ATXN8OS: variants seen among roughly 807,000 people sequenced by gnomAD.
ATXN8OS encodes the protein ATXN8 opposite strand lncRNA, also known as ATXN8 opposite strand (non-protein coding).
intron 3 of ATXN8OS, among the ~76,000 whole-genome samples, chr13:70,141,953 G>A (rs972910266): frequency 5.3e-5 from 8 of 151,854 alleles, no homozygotes; most frequent in African/African-American, 1.7e-4. Context: ...GCAGGGTCTC[G>A]GCTCACTGCA....
At chr13:70,112,919 A>ATATATATATATAT (rs3072593) in intron 1 of ATXN8OS, among the ~76,000 whole-genome samples, 15 of 123,032 alleles carry the variant, frequency 1.2e-4, no homozygotes, top group African/African-American at 2.9e-4. Context: ...TTATATATAT[A>ATATATATATATAT]ATTTTTTTTT....
chr13:70,130,562 G>C (rs1888517535), intron 3 of ATXN8OS: 2 of 396,596 alleles, frequency 5.0e-6, no homozygotes, highest in Admixed American at 4.4e-5. Flanking sequence ...AAAACAAAAA[G>C]AAACAACTTT....
At chr13:70,126,916 G>T (rs1413183854) in intron 2 of ATXN8OS, among the ~76,000 whole-genome samples, 2 of 150,870 alleles carry the variant, frequency 1.3e-5, no homozygotes, top group Non-Finnish European at 3.0e-5. Context: ...TGTAACCTCT[G>T]TATCTGTATA....
chr13:70,154,156 C>T (rs973481574), intron 4 of ATXN8OS, among the ~76,000 whole-genome samples: 1 of 152,158 alleles, frequency 6.6e-6, no homozygotes, highest in African/African-American at 2.4e-5. Flanking sequence ...TATTTCTCCA[C>T]ATATTTTAAA....
In ATXN8OS at chr13:70,125,850, T is replaced by C; in HGVS notation, n.399-3934T>C. 1.3e-5 allele frequency among the ~76,000 whole-genome samples: 2 copies of C among 152,104 alleles called. 1 individual carries two copies. Among genetic ancestry groups the C allele is most frequent in the East Asian group, 3.9e-4 (2 of 5,186 alleles). On this transcript the variant is annotated intron_variant and non_coding_transcript_variant, in intron 2 of 4. Transcript: ENST00000678624. ...CTCCACATTCCTCCTAGACTTTACA[T>C]ATAACCGAGAATACCTGCTCTGCTT...
At chr13:70,145,602 T>C (rs1046312814) in intron 3 of ATXN8OS, among the ~76,000 whole-genome samples, 1 of 152,160 alleles carries the variant, frequency 6.6e-6, no homozygotes, top group African/African-American at 2.4e-5. Flanking sequence ...TATTTTATTC[T>C]CTTTGAAGCA....
In ATXN8OS at chr13:70,146,770, C is replaced by T. The variant is rs1376870579; in HGVS notation, n.500-585C>T. 9.6e-5 allele frequency among the ~76,000 whole-genome samples: 5 copies of T among 52,280 alleles called. 1 individual carries two copies. The highest frequency in any genetic ancestry group is 4.9e-4 in the Admixed American group (2 of 4,042). 34.3% of individuals were successfully genotyped at this position (52,280 alleles called of 152,430 possible). A position where few individuals can be genotyped will look rare whatever the true frequency, so the allele number is the denominator to read the frequency against. ...CACACTCTGGGAACTGTTGTGGGGT[C>T]GGGGGAGGGAAGAGGGATAGCATTA... On this transcript the variant is annotated intron_variant and non_coding_transcript_variant, in intron 3 of 4. Coordinates refer to ENST00000678624, the Ensembl canonical transcript of ATXN8OS.
At chr13:70,154,507 T>G (rs899816126) in intron 4 of ATXN8OS, among the ~76,000 whole-genome samples, 4 of 152,146 alleles carry the variant, frequency 2.6e-5, no homozygotes, top group African/African-American at 9.7e-5. Context: ...CTTATATGAC[T>G]GAAGACATAT....
chr13:70,113,772 A>T (rs1029527000), intron 1 of ATXN8OS, among the ~76,000 whole-genome samples: 4 of 152,132 alleles, frequency 2.6e-5, no homozygotes, highest in Non-Finnish European at 2.9e-5. Flanking sequence ...CTTGAGACAT[A>T]TTTGCCAAAA....
At chr13:70,131,845 C>T (rs942367291) in intron 3 of ATXN8OS, among the ~76,000 whole-genome samples, 7 of 152,056 alleles carry the variant, frequency 4.6e-5, no homozygotes, top group Non-Finnish European at 8.8e-5. Context: ...TTTCACTATG[C>T]GACACCTAAC....
At chr13:70,133,958 G>T (rs1888570267) in intron 3 of ATXN8OS, among the ~76,000 whole-genome samples, 1 of 152,130 alleles carries the variant, frequency 6.6e-6, no homozygotes, top group South Asian at 2.1e-4. Context: ...TAACAAGCTG[G>T]AATCACATTT....
intron 2 of ATXN8OS, among the ~76,000 whole-genome samples, chr13:70,119,203 T>G (rs1441055328): frequency 6.6e-6 from 1 of 152,080 alleles, no homozygotes; most frequent in African/African-American, 2.4e-5. Flanking sequence ...TTTTTCACAA[T>G]TATTTCTCAT....
intron 4 of ATXN8OS, among the ~76,000 whole-genome samples, chr13:70,152,451 GTA>G (rs1020412100): frequency 6.6e-6 from 1 of 151,720 alleles, no homozygotes; most frequent in African/African-American, 2.4e-5. Flanking sequence ...GTATGTATGT[GTA>G]TATGTGTATA....
intron 1 of ATXN8OS, among the ~76,000 whole-genome samples, chr13:70,114,733 CA>C (rs1460155118): frequency 6.6e-6 from 1 of 152,092 alleles, no homozygotes; most frequent in Non-Finnish European, 1.5e-5. Flanking sequence ...AAGTGCCAGA[CA>C]ATGATTTCAT....
chr13:70,136,013 A>C (rs1329147831), intron 3 of ATXN8OS, among the ~76,000 whole-genome samples: 3 of 152,222 alleles, frequency 2.0e-5, no homozygotes, highest in Non-Finnish European at 4.4e-5. Context: ...TCTGCTGAAC[A>C]GTGTGAGCAG....
intron 4 of ATXN8OS, among the ~76,000 whole-genome samples, chr13:70,154,729 GTT>G (rs760283512): frequency 1.3e-5 from 2 of 152,132 alleles, no homozygotes; most frequent in Non-Finnish European, 2.9e-5. Context: ...ATTTTACTTT[GTT>G]TTATGAAATG....
Position 70,139,377 on chromosome 13 carries a change from A to ACTGCTGCTGCTGCTG in ATXN8OS, n.500-7976_500-7975insGCTGCTGCTGCTGCT, listed in dbSNP as rs879063589. ...TACTACTACTACTACTACTACTACT[A>ACTGCTGCTGCTGCTG]CTACTACTGCTGCTGCTGCTGCTGC... On this transcript the variant is annotated intron_variant and non_coding_transcript_variant, in intron 3 of 4. Coordinates refer to ENST00000678624, the Ensembl canonical transcript of ATXN8OS. 8.8e-4 allele frequency: 569 copies of ACTGCTGCTGCTGCTG among 646,044 alleles called. 4 individuals carry two copies. The highest frequency in any genetic ancestry group is 5.2e-3 in the East Asian group (167 of 32,264). 40.0% of individuals were successfully genotyped at this position (646,044 alleles called of 1,614,324 possible).
At chr13:70,142,811 T>C (rs2137493595) in intron 3 of ATXN8OS, among the ~76,000 whole-genome samples, 1 of 152,326 alleles carries the variant, frequency 6.6e-6, no homozygotes, top group South Asian at 2.1e-4. Flanking sequence ...GCAGGGCTCA[T>C]GCCTGTAATC....
chr13:70,129,705 T>C (rs1888500293), intron 2 of ATXN8OS: 2 of 397,766 alleles, frequency 5.0e-6, no homozygotes, highest in Non-Finnish European at 4.4e-6. Context: ...TTCAACCATC[T>C]GTACAGACTA....
Sources: gnomAD v4.1 joint callset for allele counts (sites outside exome capture counted in the v4.1 genomes callset) on GRCh38, gnomAD v4.1.1 for gene constraint, MANE v1.5 for transcripts, NCBI Gene and HGNC (gene_info 2026-07-23, HGNC 2026-07-21) for gene names.